CWF19L2: variants seen among roughly 807,000 people sequenced by gnomAD.
CWF19L2 encodes CWF19 like cell cycle control factor 2.
CWF19L2 carries 98 observed loss-of-function variants against 111.7 expected under a neutral mutation model. That is an observed-to-expected ratio of 0.88 (90% CI 0.75 to 1.04). CWF19L2 has a LOEUF of 1.04. Among genes scored for constraint, CWF19L2 ranks in the 50% least tolerant of loss-of-function variants. The probability of loss-of-function intolerance (pLI) is 0.00; values close to 1 mark genes in which losing one functional copy is unlikely to be tolerated. For synonymous variants in CWF19L2, 351 were observed against 342.9 expected (o/e 1.02, Z -0.26); for missense variants, 1,101 against 1,051.4 (o/e 1.05, Z -0.65).
chr11:107,414,514 G>A (rs898637353), intron 10 of CWF19L2, among the ~76,000 whole-genome samples: 1 of 152,032 alleles, frequency 6.6e-6, no homozygotes, highest in Admixed American at 6.6e-5. Flanking sequence ...CCAGCACAGA[G>A]GACTTTTTCC....
At chr11:107,437,279 C>G (rs564151268) in intron 6 of CWF19L2, among the ~76,000 whole-genome samples, 1 of 152,204 alleles carries the variant, frequency 6.6e-6, no homozygotes, top group South Asian at 2.1e-4. Context: ...ATAAATTGGG[C>G]TCTGAGAGGC....
intron 8 of CWF19L2, among the ~76,000 whole-genome samples, chr11:107,426,274 AAAT>A (rs1565279103): frequency 1.3e-5 from 2 of 151,922 alleles, no homozygotes; most frequent in Admixed American, 1.3e-4. Context: ...ATATTTAAAA[AAAT>A]AAAAATCAAA....
At chr11:107,327,276 C>T (rs1053328316) in intron 17 of CWF19L2, among the ~76,000 whole-genome samples, 23 of 152,080 alleles carry the variant, frequency 1.5e-4, no homozygotes, top group African/African-American at 5.3e-4. Flanking sequence ...TCCTATCAAG[C>T]AATTTGTCCA....
intron 14 of CWF19L2, among the ~76,000 whole-genome samples, chr11:107,348,527 G>A (rs1236262358): frequency 6.6e-6 from 1 of 152,052 alleles, no homozygotes; most frequent in Non-Finnish European, 1.5e-5. Context: ...TCTATCACAG[G>A]AAAATACGGC....
chr11:107,326,906 C>A lies in CWF19L2; in HGVS notation c.*4G>T. Reference sequence around the variant, plus strand: ...AAGAAAAATTTTAAAATGGAAGGTACACCTCAATAGTTTTTACTTTTGGTG... The same window carrying A: ...AAGAAAAATTTTAAAATGGAAGGTAAACCTCAATAGTTTTTACTTTTGGTG... On this transcript the variant is annotated 3_prime_UTR_variant, in exon 18 of 18. Transcript: ENST00000282251. 1 of 1,583,406 alleles carries A rather than the reference C, an allele frequency of 6.3e-7. No homozygotes were observed. Among genetic ancestry groups the A allele is most frequent in the East Asian group, 2.3e-5 (1 of 43,822 alleles).
At chr11:107,384,145 A>G (rs1289795749) in intron 12 of CWF19L2, among the ~76,000 whole-genome samples, 1 of 152,204 alleles carries the variant, frequency 6.6e-6, no homozygotes, top group Non-Finnish European at 1.5e-5. Context: ...TTATAAATTT[A>G]TATCAACTAT....
intron 14 of CWF19L2, among the ~76,000 whole-genome samples, chr11:107,337,233 T>C (rs1198599773): frequency 1.3e-5 from 2 of 152,222 alleles, no homozygotes; most frequent in East Asian, 3.8e-4. Flanking sequence ...TTTTCACATA[T>C]AATGCAGTCC....
intron 10 of CWF19L2, among the ~76,000 whole-genome samples, chr11:107,393,220 T>G (rs1409971891): frequency 2.6e-5 from 4 of 152,164 alleles, no homozygotes; most frequent in Admixed American, 2.6e-4. Context: ...GCAGTAGATG[T>G]AATGTTTTTT....
chr11:107,338,863 G>C (rs1056298346), intron 14 of CWF19L2, among the ~76,000 whole-genome samples: 15 of 152,120 alleles, frequency 9.9e-5, no homozygotes, highest in African/African-American at 3.4e-4. Context: ...ATTGTGAATA[G>C]TGCTGCAATG....
At chr11:107,355,144 C>T (rs11212177) in intron 12 of CWF19L2, among the ~76,000 whole-genome samples, 35,781 of 152,076 alleles carry the variant, frequency 0.24, 4,545 homozygotes, top group Non-Finnish European at 0.29. Context: ...AGGCCAGGCG[C>T]GGTGGCTCAC....
At chr11:107,410,252 G>C (rs1036615577) in intron 10 of CWF19L2, among the ~76,000 whole-genome samples, 1 of 151,744 alleles carries the variant, frequency 6.6e-6, no homozygotes, top group Non-Finnish European at 1.5e-5. Context: ...CTCCATAGTA[G>C]TAAACAACTT....
intron 14 of CWF19L2, among the ~76,000 whole-genome samples, chr11:107,339,814 T>C (rs1859980629): frequency 6.6e-6 from 1 of 152,024 alleles, no homozygotes; most frequent in East Asian, 1.9e-4. Context: ...ATTACAGGTG[T>C]GCACTACCAT....
chr11:107,413,294 A>C (rs1861183795), intron 10 of CWF19L2, among the ~76,000 whole-genome samples: 1 of 152,242 alleles, frequency 6.6e-6, no homozygotes. Context: ...GCTCTAAAAA[A>C]TAAAATCTTA....
chr11:107,385,777 A>T (rs1860756120), intron 12 of CWF19L2, among the ~76,000 whole-genome samples: 1 of 152,244 alleles, frequency 6.6e-6, no homozygotes, highest in Non-Finnish European at 1.5e-5. Context: ...GGGGACATGA[A>T]TCAGCCCTTT....
chr11:107,402,083 A>C (rs969785398), intron 10 of CWF19L2, among the ~76,000 whole-genome samples: 6 of 152,202 alleles, frequency 3.9e-5, no homozygotes, highest in Non-Finnish European at 8.8e-5. Context: ...AAATCAACTC[A>C]AGATAGATTA....
chr11:107,456,145 C>A (rs1263288131), intron 1 of CWF19L2, among the ~76,000 whole-genome samples: 1 of 152,106 alleles, frequency 6.6e-6, no homozygotes, highest in Non-Finnish European at 1.5e-5. Flanking sequence ...AACAGTTAGA[C>A]CTCCACGCCT....
chr11:107,371,898 C>T (rs1470462926), intron 12 of CWF19L2, among the ~76,000 whole-genome samples: 2 of 137,620 alleles, frequency 1.5e-5, no homozygotes, highest in East Asian at 2.1e-4. Context: ...CCCACCTCCA[C>T]GTCCAAGACA....
intron 16 of CWF19L2, among the ~76,000 whole-genome samples, chr11:107,331,222 C>G (rs1859845648): frequency 6.6e-6 from 1 of 152,274 alleles, no homozygotes; most frequent in South Asian, 2.1e-4. Context: ...CCAATTGCAA[C>G]TCTGATTCTT....
intron 14 of CWF19L2, among the ~76,000 whole-genome samples, chr11:107,338,155 G>A (rs1257284850): frequency 6.6e-6 from 1 of 151,952 alleles, no homozygotes; most frequent in Non-Finnish European, 1.5e-5. Flanking sequence ...CTACAACCTC[G>A]TCGTACTCAG....
Sources: allele counts gnomAD v4.1 joint callset (sites outside exome capture counted in the v4.1 genomes callset), GRCh38; gene constraint gnomAD v4.1.1; transcripts MANE v1.5; gene names NCBI Gene and HGNC (gene_info 2026-07-23, HGNC 2026-07-21).